Variants in CR1L observed in about 807,000 individuals in gnomAD.
CR1L encodes the protein complement C3b/C4b receptor 1 like.
A neutral mutation model predicts 62.3 loss-of-function variants in CR1L; 59 were observed. The observed-to-expected ratio is 0.95, with a 90% CI of 0.77 to 1.18. CR1L has a LOEUF of 1.18. Ranked by LOEUF, CR1L falls within the 50% of genes most tolerant of loss-of-function variation. CR1L has a pLI of 0.00. For synonymous variants in CR1L, 279 were observed against 248.7 expected (o/e 1.12, Z -1.15); for missense variants, 700 against 702.8 (o/e 1.00, Z 0.04).
chr1:207,649,786 A>T (rs1315475541), intron 1 of CR1L, among the ~76,000 whole-genome samples: 1 of 152,208 alleles, frequency 6.6e-6, no homozygotes, highest in African/African-American at 2.4e-5. Flanking sequence ...AGCCATCGAA[A>T]GGTATCTGTC....
At chr1:207,679,694 C>T (rs1253569103) in intron 3 of CR1L, among the ~76,000 whole-genome samples, 3 of 152,104 alleles carry the variant, frequency 2.0e-5, no homozygotes, top group Non-Finnish European at 4.4e-5. Context: ...TGGAAGCAAT[C>T]AAGATGTCCT....
At chr1:207,721,705 C>G (rs1485948849) in intron 11 of CR1L, among the ~76,000 whole-genome samples, 8 of 151,102 alleles carry the variant, frequency 5.3e-5, no homozygotes, top group African/African-American at 2.0e-4. Flanking sequence ...GGGTATATAC[C>G]CAGTAATGGG....
At position 207,694,372 on chromosome 1, in the gene CR1L, C is replaced by G. The variant is rs1431060281; in HGVS notation, c.483C>G (p.Pro161=). ...TCCCAGGAATTATTTGTGGGCTACC[C>G]CCCACCATCGCCAATGGAGATTTCA... ...PVCDRIICGL[P]PTIANGDFTS... Residue 161 remains proline (P), a synonymous_variant, in exon 5 of 12, where the codon CCC becomes CCG. Coordinates refer to ENST00000508064, the MANE Select transcript of CR1L (RefSeq NM_175710.2). 3 of 1,613,970 alleles carry G rather than the reference C, an allele frequency of 1.9e-6. No individual in the cohort carries two copies. The highest frequency in any genetic ancestry group is 2.5e-6 in the Non-Finnish European group (3 of 1,179,874).
chr1:207,713,142 A>G (rs1998538), intron 10 of CR1L, among the ~76,000 whole-genome samples: 92,667 of 152,014 alleles, frequency 0.61, 28,971 homozygotes, highest in East Asian at 0.87. Context: ...ACAACTCAAT[A>G]TCAGATACAA....
intron 2 of CR1L, 129 bp from the exon 3 acceptor site, chr1:207,678,069 A>G: frequency 1.3e-6 from 1 of 796,394 alleles, no homozygotes; most frequent in Non-Finnish European, 2.1e-6. Flanking sequence ...TCCTCAAGGT[A>G]GCAAAATCTG....
intron 1 of CR1L, among the ~76,000 whole-genome samples, chr1:207,654,641 G>A (rs1331000015): frequency 6.6e-6 from 1 of 152,070 alleles, no homozygotes. Flanking sequence ...AATATTAATA[G>A]GAGCTAAAAC....
intron 1 of CR1L, among the ~76,000 whole-genome samples, chr1:207,668,191 C>T (rs562565958): frequency 6.6e-6 from 1 of 151,026 alleles, no homozygotes; most frequent in African/African-American, 2.5e-5. Context: ...GAAAGGAAAC[C>T]AGTATGATGA....
intron 1 of CR1L, among the ~76,000 whole-genome samples, chr1:207,649,029 G>A (rs1344172050): frequency 1.3e-5 from 2 of 152,168 alleles, no homozygotes; most frequent in African/African-American, 4.8e-5. Flanking sequence ...ATGGATGAAT[G>A]GAGTCGGCCT....
intron 1 of CR1L, among the ~76,000 whole-genome samples, chr1:207,666,617 T>C (rs141503126): frequency 0.038 from 5,834 of 152,258 alleles, 179 homozygotes; most frequent in South Asian, 0.12. Context: ...AACCAAATAC[T>C]GCATGTTCTC....
At chr1:207,679,768 G>T (rs1571515971) in intron 3 of CR1L, among the ~76,000 whole-genome samples, 1 of 152,140 alleles carries the variant, frequency 6.6e-6, no homozygotes, top group Non-Finnish European at 1.5e-5. Context: ...ATACCAAAAA[G>T]AAATGAGCTA....
intron 1 of CR1L, among the ~76,000 whole-genome samples, chr1:207,673,901 A>C (rs1236686250): frequency 1.3e-5 from 2 of 152,238 alleles, no homozygotes; most frequent in Non-Finnish European, 2.9e-5. Flanking sequence ...ATAGCCAACG[A>C]GTGGGAACAA....
chr1:207,713,349 T>C (rs1664392364), intron 10 of CR1L, among the ~76,000 whole-genome samples: 1 of 152,276 alleles, frequency 6.6e-6, no homozygotes, highest in Non-Finnish European at 1.5e-5. Context: ...ATGGAATCTG[T>C]AATAGTGTAT....
intron 1 of CR1L, among the ~76,000 whole-genome samples, chr1:207,654,636 T>C (rs1663277603): frequency 6.6e-6 from 1 of 152,182 alleles, no homozygotes; most frequent in South Asian, 2.1e-4. Context: ...TAAATAATAT[T>C]AATAGGAGCT....
intron 3 of CR1L, among the ~76,000 whole-genome samples, chr1:207,682,437 C>A (rs1023874017): frequency 3.3e-5 from 5 of 151,840 alleles, no homozygotes; most frequent in Non-Finnish European, 7.4e-5. Context: ...CCAGCCTGGG[C>A]GACAAGAGTG....
chr1:207,686,795 T>A, intron 4 of CR1L, among the ~76,000 whole-genome samples: 1 of 152,172 alleles, frequency 6.6e-6, no homozygotes, highest in African/African-American at 2.4e-5. Context: ...CCTAAGGTGA[T>A]GACATTAGGG....
rs139906011 is a variant in CR1L, at chr1:207,646,506, T to C, written c.97+1176T>C. ...TTGGGTGATTGCTTAAGCCCAGGAG[T>C]TCAAGATCAGCCTGGACAACATGTC... On this transcript the variant is annotated intron_variant, in intron 1 of 11. Transcript: ENST00000508064. Among the ~76,000 whole-genome samples, 1,046 of 151,078 alleles carry C rather than the reference T, an allele frequency of 6.9e-3. 9 individuals are homozygous for C. Among genetic ancestry groups the C allele is most frequent in the African/African-American group, 0.024 (984 of 41,198 alleles).
intron 1 of CR1L, among the ~76,000 whole-genome samples, chr1:207,653,889 G>T (rs1211377791): frequency 6.6e-6 from 1 of 152,194 alleles, no homozygotes; most frequent in Non-Finnish European, 1.5e-5. Context: ...CAAGGGCATG[G>T]CAGTAGTACC....
At chr1:207,689,396 T>C (rs1334758141) in intron 4 of CR1L, among the ~76,000 whole-genome samples, 3 of 151,916 alleles carry the variant, frequency 2.0e-5, no homozygotes, top group Non-Finnish European at 2.9e-5. Flanking sequence ...GTGTGCAGGA[T>C]TGCTCATATT....
At chr1:207,686,912 T>C (rs934933849) in intron 4 of CR1L, among the ~76,000 whole-genome samples, 1 of 152,184 alleles carries the variant, frequency 6.6e-6, no homozygotes, top group Non-Finnish European at 1.5e-5. Flanking sequence ...CCTCCTGCCA[T>C]GGGAAGAAAT....
Sources: gnomAD v4.1 joint callset for allele counts (sites outside exome capture counted in the v4.1 genomes callset) on GRCh38, gnomAD v4.1.1 for gene constraint, MANE v1.5 for transcripts, NCBI Gene and HGNC (gene_info 2026-07-23, HGNC 2026-07-21) for gene names.